Variants in CDH23 observed in about 807,000 individuals in gnomAD.
The protein encoded by CDH23 is cadherin-23.
Under a neutral mutation model 317.1 loss-of-function variants are expected in CDH23, and 189 were observed. That is an observed-to-expected ratio of 0.60 (90% CI 0.53 to 0.67). The LOEUF (loss-of-function observed/expected upper bound fraction) is 0.67. Among genes scored for constraint, CDH23 ranks in the 30% least tolerant of loss-of-function variants. CDH23 has a pLI of 0.00. For missense variants in CDH23, 4,401 were observed against 4,592.4 expected, an observed-to-expected ratio of 0.96 and a Z score of 1.20; for synonymous variants, 1,839 against 1,876.8, an observed-to-expected ratio of 0.98 and a Z score of 0.52.
Position 71,716,511 on chromosome 10 carries a change from T to G in CDH23, c.3369+3698T>G, listed in dbSNP as rs1379874958. The G allele has an allele frequency of 2.0e-5, 11 of 561,232 alleles. No individual in the cohort carries two copies. The Admixed American group carries it at 3.2e-4, about 17-fold the overall frequency. The allele number at this position is 561,232 out of a possible 1,614,324, so 34.8% of individuals were successfully genotyped here. A position where few individuals can be genotyped will look rare whatever the true frequency, so the allele number is the denominator to read the frequency against. On this transcript the variant is annotated intron_variant, in intron 28 of 69. Transcript: ENST00000224721. Reference sequence around the variant, plus strand: ...CAGCAAGGTCCAGAGACATCACAAGTCTAAGTGTACACACAGCTGAGCAGT... The same window carrying G: ...CAGCAAGGTCCAGAGACATCACAAGGCTAAGTGTACACACAGCTGAGCAGT...
At chr10:71,454,940 A>G (rs1321238440) in intron 3 of CDH23, among the ~76,000 whole-genome samples, 2 of 151,802 alleles carry the variant, frequency 1.3e-5, no homozygotes, top group Non-Finnish European at 2.9e-5. Context: ...TCTGGACTCA[A>G]GTGATCCTCC....
At chr10:71,625,270 A>G (rs1340810485) in intron 11 of CDH23, among the ~76,000 whole-genome samples, 1 of 151,588 alleles carries the variant, frequency 6.6e-6, no homozygotes, top group Non-Finnish European at 1.5e-5. Context: ...GAACGGGGAC[A>G]CATCTGGCAG....
intron 1 of CDH23, among the ~76,000 whole-genome samples, chr10:71,404,503 T>G (rs1848007063): frequency 6.6e-6 from 1 of 152,254 alleles, no homozygotes; most frequent in East Asian, 1.9e-4. Context: ...GGTCTGGAAG[T>G]GTTCTCAGAG....
intron 38 of CDH23, chr10:71,773,576 C>G: frequency 1.4e-6 from 1 of 725,282 alleles, no homozygotes; most frequent in Non-Finnish European, 2.0e-6. Context: ...CAGGCACCCG[C>G]CCCCTTCGCG....
At chr10:71,734,681 T>G in intron 34 of CDH23, 23 bp downstream of exon 34, 1 of 1,386,086 alleles carries the variant, frequency 7.2e-7, no homozygotes, top group Non-Finnish European at 9.8e-7. Flanking sequence ...TGGCTGGAGC[T>G]TCCCCTGTGC....
intron 46 of CDH23, among the ~76,000 whole-genome samples, 174 bp from the exon 47 acceptor site, chr10:71,790,958 C>T (rs903028816): frequency 3.9e-5 from 6 of 152,210 alleles, no homozygotes; most frequent in African/African-American, 1.2e-4. Context: ...TCCCTCAGCA[C>T]GGGTGGTTGA....
chr10:71,785,846 T>C, intron 44 of CDH23, 108 bp downstream of exon 44: 1 of 763,346 alleles, frequency 1.3e-6, no homozygotes, highest in Non-Finnish European at 2.3e-6. Context: ...ATGCACAGGC[T>C]TTGGAGTGAG....
intron 14 of CDH23, among the ~76,000 whole-genome samples, chr10:71,658,284 G>A (rs940349556): frequency 1.3e-5 from 2 of 152,218 alleles, no homozygotes; most frequent in Non-Finnish European, 2.9e-5. Context: ...GGAGGAGAGA[G>A]CGAGAGATGG....
intron 56 of CDH23, 70 bp downstream of exon 56, chr10:71,806,067 C>A: frequency 6.5e-7 from 1 of 1,534,870 alleles, no homozygotes; most frequent in Non-Finnish European, 8.8e-7. Flanking sequence ...GGTCTTGCAC[C>A]TCGCCTCCTG....
rs111460455 is a variant in CDH23, at chr10:71,729,840, AT to A, written c.3580-617del. On this transcript the variant is annotated intron_variant, in intron 30 of 69. Coordinates refer to ENST00000224721, the MANE Select transcript of CDH23 (RefSeq NM_022124.6). Reference sequence around the variant, plus strand: ...AGTGTGAACTATTTTATTATTATTAATTTTTTTTTTTTGAGATGGAGTCTCG... The same window carrying A: ...AGTGTGAACTATTTTATTATTATTAATTTTTTTTTTTGAGATGGAGTCTCG... Among the ~76,000 whole-genome samples, 429 of 146,988 alleles carry A rather than the reference AT, an allele frequency of 2.9e-3. 2 individuals are homozygous for A. Among genetic ancestry groups the A allele is most frequent in the African/African-American group, 7.1e-3 (286 of 40,260 alleles).
rs1008577725 is a variant in CDH23, at chr10:71,601,964, G to T, written c.833-13540G>T. On this transcript the variant is annotated intron_variant, in intron 9 of 69. Transcript: ENST00000224721. ...GCCTGGGCTGGGTGGGCGGCGGAGG[G>T]GGGGGGGCTCTGCAGCCCCCAGGGG... Among the ~76,000 whole-genome samples, 298 of 151,726 alleles carry T rather than the reference G, an allele frequency of 2.0e-3. 4 individuals are homozygous for T. Among genetic ancestry groups the T allele is most frequent in the African/African-American group, 6.6e-3 (274 of 41,432 alleles).
At chr10:71,798,321 T>TC in intron 49 of CDH23, 33 bp from the exon 50 acceptor site, 1 of 1,537,594 alleles carries the variant, frequency 6.5e-7, no homozygotes, top group Non-Finnish European at 9.0e-7. Context: ...CTAGTGTCCT[T>TC]CCCCTCTCCC....
chr10:71,607,070 G>A (rs1488946693), intron 9 of CDH23, among the ~76,000 whole-genome samples: 6 of 152,312 alleles, frequency 3.9e-5, no homozygotes, highest in African/African-American at 7.2e-5. Flanking sequence ...GCTAAGTAAC[G>A]ATTTTTAATT....
intron 3 of CDH23, among the ~76,000 whole-genome samples, chr10:71,504,147 G>A (rs1053071165): frequency 2.0e-4 from 30 of 151,840 alleles, no homozygotes; most frequent in African/African-American, 1.2e-4. Flanking sequence ...TTGCCTAACC[G>A]ACCTCCAGAA....
intron 11 of CDH23, 99 bp from the exon 12 acceptor site, chr10:71,643,762 C>G: frequency 1.4e-6 from 1 of 740,090 alleles, no homozygotes; most frequent in South Asian, 1.4e-5. Context: ...GACCCAGGGT[C>G]TCACTGTCTT....
chr10:71,788,726 A>T (rs1266022581), intron 44 of CDH23, among the ~76,000 whole-genome samples: 1 of 152,192 alleles, frequency 6.6e-6, no homozygotes, highest in Non-Finnish European at 1.5e-5. Flanking sequence ...AAGTGCTGGG[A>T]TTACAGGCAT....
chr10:71,554,734 T>TTA, intron 6 of CDH23, among the ~76,000 whole-genome samples: 1 of 152,300 alleles, frequency 6.6e-6, no homozygotes. Flanking sequence ...GAGAATTTTT[T>TTA]TTTTTTTGGC....
chr10:71,780,213 G>A (rs1211760154), intron 41 of CDH23, among the ~76,000 whole-genome samples: 2 of 152,156 alleles, frequency 1.3e-5, no homozygotes, highest in Non-Finnish European at 2.9e-5. Context: ...CAGTGTGCCG[G>A]CCATGTTCCA....
intron 7 of CDH23, among the ~76,000 whole-genome samples, chr10:71,569,896 A>T (rs735122): frequency 0.28 from 42,041 of 150,520 alleles, 8,113 homozygotes; most frequent in African/African-American, 0.55. Context: ...TTAAAAAAAA[A>T]TTTTTTTTTT....
Sources: allele counts gnomAD v4.1 joint callset (sites outside exome capture counted in the v4.1 genomes callset), GRCh38; gene constraint gnomAD v4.1.1; transcripts MANE v1.5; gene names NCBI Gene and HGNC (gene_info 2026-07-23, HGNC 2026-07-21).